Variants in ATP1A1 observed in about 807,000 individuals in gnomAD.
ATP1A1 encodes ATPase Na+/K+ transporting subunit alpha 1.
A neutral mutation model predicts 114.8 loss-of-function variants in ATP1A1; 14 were observed. The observed-to-expected ratio is 0.12, with a 90% CI of 0.08 to 0.19. The LOEUF is 0.19. Among genes scored for constraint, ATP1A1 ranks in the 10% least tolerant of loss-of-function variants. ATP1A1 has a pLI of 1.00. For synonymous variants in ATP1A1, 471 were observed against 466.3 expected, an observed-to-expected ratio of 1.01 and a Z score of -0.13; for missense variants, 524 against 1,290.7, an observed-to-expected ratio of 0.41 and a Z score of 9.10.
At chr1:116,382,072 G>A (rs898910121) in intron 1 of ATP1A1, among the ~76,000 whole-genome samples, 2 of 152,162 alleles carry the variant, frequency 1.3e-5, no homozygotes, top group African/African-American at 2.4e-5. Flanking sequence ...CTACTCAGGA[G>A]GCTGAAGCAG....
rs778468462 is a variant in ATP1A1, at chr1:116,401,575, C to A, written c.2871C>A (p.Gly957=). The A allele has an allele frequency of 6.2e-7, 1 of 1,614,196 alleles. No individual in the cohort carries two copies. Among genetic ancestry groups the A allele is most frequent in the Non-Finnish European group, 8.5e-7 (1 of 1,180,034 alleles). The change falls in exon 21 of 23, where the codon GGC becomes GGA. Residue 957 remains glycine (G), a synonymous_variant. Coordinates refer to ENST00000295598, the MANE Select transcript of ATP1A1 (RefSeq NM_000701.8). This position sits in a 1 kb window ranked among gnomAD's most constrained non-coding sequence, Gnocchi z 4.7. ...TTAGGAACAAGATCTTGATATTTGGCCTCTTTGAAGAGACAGCCCTGGCTG... is the reference window on the plus strand; with the variant it reads ...TTAGGAACAAGATCTTGATATTTGGACTCTTTGAAGAGACAGCCCTGGCTG... ...QGMKNKILIF[G]LFEETALAAF...
At position 116,404,111 on chromosome 1, in the gene ATP1A1, C is replaced by T; in HGVS notation, c.3043+136C>T. ...TAGCTAAGGTGACTGGACCAGCAAA[C>T]TGACCATAGTCACATCTTCAGAATG... On this transcript the variant is annotated intron_variant, in intron 22 of 22. Coordinates refer to ENST00000295598, the MANE Select transcript of ATP1A1 (RefSeq NM_000701.8). The surrounding 1 kb of genome is among the most constrained non-coding windows in gnomAD (Gnocchi z 4.8). The T allele has an allele frequency of 1.2e-6, 1 of 836,094 alleles. No individual in the cohort carries two copies. The highest frequency in any genetic ancestry group is 1.9e-6 in the Non-Finnish European group (1 of 527,808). 51.8% of individuals were successfully genotyped at this position (836,094 alleles called of 1,614,324 possible). A position where few individuals can be genotyped will look rare whatever the true frequency, so the allele number is the denominator to read the frequency against.
chr1:116,390,061 GT>G, intron 8 of ATP1A1, 151 bp from the exon 9 acceptor site: 1 of 813,120 alleles, frequency 1.2e-6, no homozygotes. Flanking sequence ...GAAGCCTCAT[GT>G]ATGGGTTCCC....
chr1:116,386,842 T>C (rs1434650388), intron 3 of ATP1A1, among the ~76,000 whole-genome samples: 1 of 152,228 alleles, frequency 6.6e-6, no homozygotes, highest in African/African-American at 2.4e-5. Flanking sequence ...CAGGAAGTTT[T>C]TTTCTCCTTT....
intron 1 of ATP1A1, among the ~76,000 whole-genome samples, chr1:116,377,754 G>C (rs1374962696): frequency 1.3e-5 from 2 of 152,216 alleles, no homozygotes; most frequent in Non-Finnish European, 2.9e-5. Flanking sequence ...GAAGAAACCC[G>C]AGTGTCAGAT....
At chr1:116,392,727 C>G in intron 10 of ATP1A1, 127 bp from the exon 11 acceptor site, 1 of 1,172,148 alleles carries the variant, frequency 8.5e-7, no homozygotes, top group South Asian at 1.5e-5. Context: ...ACCGCTGCTT[C>G]CTTCTTGCCC....
At chr1:116,394,158 A>C (rs560627560) in intron 12 of ATP1A1, among the ~76,000 whole-genome samples, 13 of 152,210 alleles carry the variant, frequency 8.5e-5, no homozygotes, top group South Asian at 6.2e-4. Context: ...GTGAATTTAC[A>C]TGAGCACTTA....
In ATP1A1 at chr1:116,395,662, A is replaced by ATC. The variant is rs1306195212; in HGVS notation, c.1836+379_1836+380dup. On this transcript the variant is annotated intron_variant, in intron 13 of 22. Coordinates refer to ENST00000295598, the MANE Select transcript of ATP1A1 (RefSeq NM_000701.8). The surrounding 1 kb of genome is among the most constrained non-coding windows in gnomAD (Gnocchi z 6.4). Reference sequence around the variant, plus strand: ...AATGAGTGTTTGGTGTCCTCTGTGTATCTGTCTTTTTTTAAGTAGCTGAAT... The same window carrying ATC: ...AATGAGTGTTTGGTGTCCTCTGTGTATCTCTGTCTTTTTTTAAGTAGCTGAAT... Among the ~76,000 whole-genome samples the ATC allele has an allele frequency of 6.6e-6, 1 of 152,112 alleles. No individual in the cohort carries two copies. Among genetic ancestry groups the ATC allele is most frequent in the African/African-American group, 2.4e-5 (1 of 41,418 alleles).
At chr1:116,390,639 A>G (rs1652394546) in intron 9 of ATP1A1, 143 bp from the exon 10 acceptor site, 1 of 852,668 alleles carries the variant, frequency 1.2e-6, no homozygotes, top group African/African-American at 1.7e-5. Flanking sequence ...TGACTGAAGA[A>G]TGCCTAAAAT....
rs1011547969 is a variant in ATP1A1 at position 116,399,227 on chromosome 1, C to T, written c.2448+143C>T. The T allele has an allele frequency of 8.0e-6, 11 of 1,379,904 alleles. No individual in the cohort carries two copies. In the African/African-American group the frequency reaches 1.2e-4, roughly 14 times the overall value. 85.5% of individuals were successfully genotyped at this position (1,379,904 alleles called of 1,614,324 possible). ...CAGTATCCAGTGTGTGTCCCAATCC[C>T]GGCTTCACAGAATCAGTATTACCAC... On this transcript the variant is annotated intron_variant, in intron 17 of 22. Coordinates refer to ENST00000295598, the MANE Select transcript of ATP1A1 (RefSeq NM_000701.8). This position sits in a 1 kb window ranked among gnomAD's most constrained non-coding sequence, Gnocchi z 5.0.
Position 116,395,145 on chromosome 1 carries a change from C to G in ATP1A1, c.1696C>G (p.Pro566Ala). 6.2e-7 allele frequency: 1 copy of G among 1,614,074 alleles called. No individual in the cohort carries two copies. Among genetic ancestry groups the G allele is most frequent in the African/African-American group, 1.3e-5 (1 of 75,028 alleles). The change falls in exon 13 of 23, where the codon CCT (proline) becomes GCT (alanine). Residue 566 changes from proline (P) to alanine (A), a missense_variant. By Grantham distance (27) the Pro-to-Ala change is conservative. Around this residue, in one of 8 missense-constraint regions of ATP1A1, gnomAD observed 143 missense variants for 259.3 expected, o/e 0.55. Coordinates refer to ENST00000295598, the MANE Select transcript of ATP1A1 (RefSeq NM_000701.8). This position sits in a 1 kb window ranked among gnomAD's most constrained non-coding sequence, Gnocchi z 6.4. ...CHLFLPDEQFPEGFQFDTDDV... is the reference protein window; with the variant it reads ...CHLFLPDEQFAEGFQFDTDDV... ...CCTCTTTCTGCCAGATGAACAGTTTCCTGAAGGGTTCCAGTTTGACACTGA... is the reference window on the plus strand; with the variant it reads ...CCTCTTTCTGCCAGATGAACAGTTTGCTGAAGGGTTCCAGTTTGACACTGA...
At chr1:116,377,079 C>T (rs1194479015) in intron 1 of ATP1A1, among the ~76,000 whole-genome samples, 1 of 152,164 alleles carries the variant, frequency 6.6e-6, no homozygotes, top group East Asian at 1.9e-4. Flanking sequence ...ATAAGAAAGG[C>T]TTTAACTAAA....
intron 1 of ATP1A1, chr1:116,374,037 C>G: frequency 7.1e-7 from 1 of 1,408,652 alleles, no homozygotes; most frequent in Non-Finnish European, 9.2e-7. Flanking sequence ...TCCCGGGCCT[C>G]CGTTCCCGCC....
Position 116,373,390 on chromosome 1 carries a change from GCA to G in ATP1A1, c.-121_-120del. On this transcript the variant is annotated 5_prime_UTR_variant, in exon 1 of 23. Coordinates refer to ENST00000295598, the MANE Select transcript of ATP1A1 (RefSeq NM_000701.8). ...CGCCCTCCCACCCTCCCGCCCCGCG[GCA>G]GCCCTAGCTCCCTCCACTTGGCTCC... The G allele has an allele frequency of 1.6e-6, 1 of 607,110 alleles. No homozygotes were observed. Among genetic ancestry groups the G allele is most frequent in the Non-Finnish European group, 2.4e-6 (1 of 411,632 alleles). 37.6% of individuals were successfully genotyped at this position (607,110 alleles called of 1,614,324 possible).
intron 1 of ATP1A1, among the ~76,000 whole-genome samples, chr1:116,376,735 G>T (rs1224633320): frequency 6.6e-6 from 1 of 152,028 alleles, no homozygotes; most frequent in Non-Finnish European, 1.5e-5. Flanking sequence ...CCTAAACCTG[G>T]GAAGATGGGG....
At chr1:116,402,421 C>G (rs2101069088) in intron 21 of ATP1A1, among the ~76,000 whole-genome samples, 1 of 152,248 alleles carries the variant, frequency 6.6e-6, no homozygotes, top group South Asian at 2.1e-4. Flanking sequence ...TCCTGCTGTC[C>G]TCATCCTTGC....
At chr1:116,377,151 G>A (rs895121131) in intron 1 of ATP1A1, among the ~76,000 whole-genome samples, 1 of 152,172 alleles carries the variant, frequency 6.6e-6, no homozygotes, top group Non-Finnish European at 1.5e-5. Flanking sequence ...AAACAAACAG[G>A]TTTAAAAGTA....
At position 116,373,758 on chromosome 1, in the gene ATP1A1, G is replaced by A. The variant is rs1324603915; in HGVS notation, c.12+235G>A. The A allele has an allele frequency of 9.3e-6, 11 of 1,186,812 alleles. No individual in the cohort carries two copies. The South Asian group carries it at 1.9e-4, about 21-fold the overall frequency. 73.5% of individuals were successfully genotyped at this position (1,186,812 alleles called of 1,614,324 possible). A position where few individuals can be genotyped will look rare whatever the true frequency, so the allele number is the denominator to read the frequency against. ...GGGGCTGGAGCGCGGCATTGCTTAG[G>A]GGGGTGGGCGGACCCTGGGCGGGGG... On this transcript the variant is annotated intron_variant, in intron 1 of 22. Coordinates refer to ENST00000295598, the MANE Select transcript of ATP1A1 (RefSeq NM_000701.8).
In ATP1A1 at chr1:116,400,929, A is replaced by G. The variant is rs770689048; in HGVS notation, c.2641A>G (p.Ile881Val). ...VILAENGFLPIHLLGLRVDWD... is the reference protein window; with the variant it reads ...VILAENGFLPVHLLGLRVDWD... ...TCTGGCTGAGAACGGCTTCCTCCCA[A>G]TTCACCTGTTGGGCCTCCGAGTGGA... is the stretch of plus-strand genomic sequence containing the variant. Residue 881 changes from isoleucine to valine, a missense_variant, in exon 19 of 23, where the codon ATT becomes GTT. By Grantham distance (29) the Ile-to-Val change is conservative. Around this residue, in one of 8 missense-constraint regions of ATP1A1, gnomAD observed 84 missense variants for 209.3 expected, o/e 0.40. Coordinates refer to ENST00000295598, the MANE Select transcript of ATP1A1 (RefSeq NM_000701.8). 8 of 1,614,002 alleles carry G rather than the reference A, an allele frequency of 5.0e-6. No individual in the cohort carries two copies. The highest frequency in any genetic ancestry group is 6.8e-6 in the Non-Finnish European group (8 of 1,180,010).
Sources: gnomAD v4.1 joint callset for allele counts (sites outside exome capture counted in the v4.1 genomes callset) on GRCh38, gnomAD v4.1.1 for gene constraint, gnomAD v4.1.1 regional missense constraint, Gnocchi (gnomAD v3.1) non-coding constraint, MANE v1.5 for transcripts, NCBI Gene and HGNC (gene_info 2026-07-23, HGNC 2026-07-21) for gene names.